The following FKBP15 variants were observed in gnomAD, a reference collection of about 807,000 sequenced individuals.
FKBP15 encodes the protein FKBP prolyl isomerase family member 15.
FKBP15 carries 106 observed loss-of-function variants against 158.1 expected under a neutral mutation model. The observed-to-expected ratio is 0.67, with a 90% CI of 0.57 to 0.79. FKBP15 has a LOEUF of 0.79. Ranked by LOEUF, FKBP15 falls within the 30% of genes least tolerant of loss-of-function variation. The probability of loss-of-function intolerance (pLI) is 0.00; values close to 1 mark genes in which losing one functional copy is unlikely to be tolerated. For synonymous variants in FKBP15, 547 were observed against 548.6 expected, an observed-to-expected ratio of 1.00 and a Z score of 0.04; for missense variants, 1,287 against 1,479.1, an observed-to-expected ratio of 0.87 and a Z score of 2.13.
Position 113,193,478 on chromosome 9 carries a change from A to C in FKBP15, c.1065+14T>G. 6.3e-7 allele frequency: 1 copy of C among 1,580,712 alleles called. No homozygotes were observed. Among genetic ancestry groups the C allele is most frequent in the Non-Finnish European group, 8.6e-7 (1 of 1,161,818 alleles). ...GTGTGAACCACCATGCCTGGCCAAG[A>C]CTCTTATACTTACTGTATTTATTGC... On this transcript the variant is annotated intron_variant, in intron 11 of 27. Transcript: ENST00000238256.
At chr9:113,175,543 G>T (rs1830285801) in intron 21 of FKBP15, among the ~76,000 whole-genome samples, 1 of 152,154 alleles carries the variant, frequency 6.6e-6, no homozygotes, top group African/African-American at 2.4e-5. Flanking sequence ...CAAAAAGATA[G>T]AAATGTTCTC....
intron 9 of FKBP15, 138 bp downstream of exon 9, chr9:113,196,794 T>G: frequency 9.4e-7 from 1 of 1,065,606 alleles, no homozygotes; most frequent in Non-Finnish European, 1.3e-6. Context: ...TTCTGACTAC[T>G]CCATTTCTAA....
rs548851321 is a variant in FKBP15, at chr9:113,186,347, T to C, written c.1400A>G (p.Gln467Arg). Residue 467 changes from glutamine to arginine, a missense_variant, in exon 15 of 28, where the codon CAA (glutamine) becomes CGA (arginine). By Grantham distance (43) the Gln-to-Arg change is conservative. Transcript: ENST00000238256. ...AQSFQPYAGMQAYAYPQASAV... is the reference protein window; with the variant it reads ...AQSFQPYAGMRAYAYPQASAV... ...AGATGCCTGGGGATAAGCGTAGGCT[T>C]GCATACCTGCATAGGGCTGAGAAAC... 4.4e-5 allele frequency: 69 copies of C among 1,561,372 alleles called. 1 individual carries two copies. The South Asian group carries it at 7.8e-4, about 18-fold the overall frequency.
At position 113,171,585 on chromosome 9, in the gene FKBP15, T is replaced by A; in HGVS notation, c.2654A>T (p.Glu885Val). The A allele has an allele frequency of 4.4e-6, 7 of 1,607,962 alleles. No homozygotes were observed. The highest frequency in any genetic ancestry group is 5.9e-6 in the Non-Finnish European group (7 of 1,176,900). ...GVEAAASDPS[E>V]KVKKIMNQVF... ...TCATTTGAAATACCAGCTCACCTTC[T>A]CTGAGGGGTCAGATGCAGCAGCTTC... The change falls in exon 24 of 28, where the codon GAG becomes GTG. Residue 885 changes from glutamate to valine, a missense_variant. Physicochemically the swap from Glu to Val is moderately radical, Grantham distance 121. Coordinates refer to ENST00000238256, the MANE Select transcript of FKBP15 (RefSeq NM_015258.2).
At chr9:113,217,672 T>A (rs1291234662) in intron 1 of FKBP15, among the ~76,000 whole-genome samples, 3 of 151,912 alleles carry the variant, frequency 2.0e-5, no homozygotes, top group African/African-American at 7.3e-5. Context: ...CAAGAACCCA[T>A]CTTTACAAAA....
intron 2 of FKBP15, among the ~76,000 whole-genome samples, chr9:113,210,819 G>A (rs769513357): frequency 6.6e-6 from 1 of 152,158 alleles, no homozygotes. Context: ...TGAGTCTTCC[G>A]ACTTTCATCT....
rs1054101659 is a variant in FKBP15, at chr9:113,184,468, T to G, written c.1609-69A>C. On this transcript the variant is annotated intron_variant, in intron 16 of 27. Transcript: ENST00000238256. This position sits in a 1 kb window ranked among gnomAD's most constrained non-coding sequence, Gnocchi z 4.5. ...TGAAGAAATACAATTTACCCAAGAT[T>G]TGACCCTGTTGTTAAGGGGGTTAAT... is the stretch of plus-strand genomic sequence containing the variant. 27 of 1,288,906 alleles carry G rather than the reference T, an allele frequency of 2.1e-5. No homozygotes were observed. The African/African-American group carries it at 3.7e-4, about 18-fold the overall frequency. The allele number at this position is 1,288,906 out of a possible 1,614,324, so 79.8% of individuals were successfully genotyped here.
rs3840998 is a variant in FKBP15 at position 113,163,917 on chromosome 9, TG to T, written c.*2160del. On this transcript the variant is annotated 3_prime_UTR_variant, in exon 28 of 28. Transcript: ENST00000238256. ...TTCACTTAAAATACTGATTAAGCCATGGGCAGGTACTGACTGAAGATGCAAT... is the reference window on the plus strand; with the variant it reads ...TTCACTTAAAATACTGATTAAGCCATGGCAGGTACTGACTGAAGATGCAAT... The T allele has an allele frequency of 0.82, 124,871 of 152,550 alleles. 51,188 individuals carry two copies. Among genetic ancestry groups the T allele is most frequent in the South Asian group, 0.89 (4,281 of 4,828 alleles). The allele number at this position is 152,550 out of a possible 1,614,324, so 9.4% of individuals were successfully genotyped here.
At chr9:113,195,932 T>C (rs1042159416) in intron 9 of FKBP15, among the ~76,000 whole-genome samples, 1 of 152,166 alleles carries the variant, frequency 6.6e-6, no homozygotes, top group Admixed American at 6.5e-5. Flanking sequence ...TCCAGGAATT[T>C]TCTATGAATA....
At chr9:113,219,619 C>G (rs1411761408) in intron 1 of FKBP15, among the ~76,000 whole-genome samples, 1 of 152,144 alleles carries the variant, frequency 6.6e-6, no homozygotes, top group Non-Finnish European at 1.5e-5. Flanking sequence ...CCTTGAGAAG[C>G]CTGCTCAGGA....
intron 20 of FKBP15, 103 bp from the exon 21 acceptor site, chr9:113,176,776 C>A: frequency 7.8e-7 from 1 of 1,287,332 alleles, no homozygotes. Context: ...GGAGACAAAG[C>A]CTTGCTCCAT....
Position 113,182,771 on chromosome 9 carries a change from C to T in FKBP15, c.1909G>A (p.Glu637Lys), listed in dbSNP as rs756789847. The change falls in exon 19 of 28, where the codon GAG becomes AAG. Residue 637 changes from glutamate (E) to lysine (K), a missense_variant. Transcript: ENST00000238256. ...TCTCTCCCCAGTTGCTTTACCTTCT[C>T]TTGTTCAGCATGCAATACTCTTGCC... ...TQARVLHAEQ[E>K]KAKVTEELAA... 3.7e-6 allele frequency: 6 copies of T among 1,613,654 alleles called. No individual in the cohort carries two copies. In the South Asian group the frequency reaches 6.6e-5, roughly 18 times the overall value.
chr9:113,214,384 C>T (rs1831077487), intron 1 of FKBP15, among the ~76,000 whole-genome samples: 1 of 152,202 alleles, frequency 6.6e-6, no homozygotes, highest in African/African-American at 2.4e-5. Context: ...TAATCTTATA[C>T]ATCTCCATCA....
At chr9:113,179,434 C>T (rs1202960027) in intron 19 of FKBP15, among the ~76,000 whole-genome samples, 2 of 152,198 alleles carry the variant, frequency 1.3e-5, no homozygotes, top group Admixed American at 1.3e-4. Context: ...GAGGCCGAAG[C>T]GGGCAGATCA....
chr9:113,162,084 G>A lies in FKBP15; in HGVS notation c.*3994C>T. 2 of 345,006 alleles carry A rather than the reference G, an allele frequency of 5.8e-6. No individual in the cohort carries two copies. The highest frequency in any genetic ancestry group is 4.9e-5 in the South Asian group (2 of 40,806). 21.4% of individuals were successfully genotyped at this position (345,006 alleles called of 1,614,324 possible). Reference sequence around the variant, plus strand: ...CCTGAAGCAATGTATCCCACTTGGTGGGAGGAGGATGACAAGCTCTCCTCT... The same window carrying A: ...CCTGAAGCAATGTATCCCACTTGGTAGGAGGAGGATGACAAGCTCTCCTCT... On this transcript the variant is annotated 3_prime_UTR_variant, in exon 28 of 28. Transcript: ENST00000238256.
rs1424656628 is a variant in FKBP15, at chr9:113,186,309, G to A, written c.1438C>T (p.Gln480Ter). The change falls in exon 15 of 28, where the codon CAG (glutamine) becomes TAG (stop). Residue 480 changes from glutamine (Q) to a stop codon, truncating the protein, a stop_gained. Coordinates refer to ENST00000238256, the MANE Select transcript of FKBP15 (RefSeq NM_015258.2). LOFTEE classifies it high-confidence loss of function. Reference protein sequence around the residue: ...AYPQASAVTSQLQPVRPLYPA... With the variant: ...AYPQASAVTS ...TACAAAGGCCGAACGGGCTGCAGCT[G>A]GGAGGTGACGGCAGATGCCTGGGGA... is the stretch of plus-strand genomic sequence containing the variant. 1 of 1,571,238 alleles carries A rather than the reference G, an allele frequency of 6.4e-7. No homozygotes were observed. The highest frequency in any genetic ancestry group is 8.6e-7 in the Non-Finnish European group (1 of 1,157,514).
At chr9:113,199,432 C>A (rs908949754) in intron 7 of FKBP15, among the ~76,000 whole-genome samples, 4 of 152,044 alleles carry the variant, frequency 2.6e-5, no homozygotes, top group African/African-American at 4.8e-5. Context: ...ACAGTAAGTT[C>A]AATGTATTTA....
intron 12 of FKBP15, among the ~76,000 whole-genome samples, chr9:113,190,098 G>A (rs890408947): frequency 2.6e-5 from 4 of 152,188 alleles, no homozygotes; most frequent in Non-Finnish European, 5.9e-5. Context: ...CAACATCAGC[G>A]AGAAGACCAA....
intron 1 of FKBP15, among the ~76,000 whole-genome samples, chr9:113,217,276 G>A (rs1204645273): frequency 7.0e-6 from 1 of 142,450 alleles, no homozygotes; most frequent in Non-Finnish European, 1.5e-5. Flanking sequence ...GCAGTGGCAC[G>A]ACCTTGGCTC....
Sources: gnomAD v4.1 joint callset for allele counts (sites outside exome capture counted in the v4.1 genomes callset) on GRCh38, gnomAD v4.1.1 for gene constraint, Gnocchi (gnomAD v3.1) non-coding constraint, MANE v1.5 for transcripts, NCBI Gene and HGNC (gene_info 2026-07-23, HGNC 2026-07-21) for gene names.